The following MPHOSPH8 variants were observed in gnomAD, a reference collection of about 807,000 sequenced individuals.
The protein encoded by MPHOSPH8 is M-phase phosphoprotein, mpp.
A neutral mutation model predicts 87.3 loss-of-function variants in MPHOSPH8; 45 were observed. The ratio of observed to expected loss-of-function variants is 0.52; its 90% CI spans 0.41 to 0.66. The LOEUF (loss-of-function observed/expected upper bound fraction) is 0.66, where lower values mean the gene tolerates loss of function less well. Among genes scored for constraint, MPHOSPH8 ranks in the 30% least tolerant of loss-of-function variants. The probability of loss-of-function intolerance (pLI) is 0.00; values close to 1 mark genes in which losing one functional copy is unlikely to be tolerated. For missense variants in MPHOSPH8, 883 were observed against 1,020.2 expected (o/e 0.87, Z 1.83); for synonymous variants, 366 against 376.9 (o/e 0.97, Z 0.33).
At chr13:19,661,613 T>C (rs2137534683) in intron 7 of MPHOSPH8, 85 bp from the exon 8 acceptor site, 12 of 1,408,580 alleles carry the variant, frequency 8.5e-6, no homozygotes, top group South Asian at 1.5e-5. Flanking sequence ...TGATTTCACA[T>C]TGAAACATCT....
chr13:19,652,830 G>A (rs1031347744), intron 5 of MPHOSPH8, among the ~76,000 whole-genome samples: 2 of 152,160 alleles, frequency 1.3e-5, no homozygotes, highest in Non-Finnish European at 2.9e-5. Context: ...TTCGAACTGG[G>A]AGGAGCGCAC....
intron 5 of MPHOSPH8, among the ~76,000 whole-genome samples, chr13:19,656,498 A>T (rs1875183771): frequency 6.6e-6 from 1 of 151,846 alleles, no homozygotes; most frequent in Admixed American, 6.6e-5. Context: ...GGTGGCTCAC[A>T]CCTATAATCC....
In MPHOSPH8 at chr13:19,646,993, A is replaced by G; in HGVS notation, c.920A>G (p.Glu307Gly). 1 of 1,592,760 alleles carries G rather than the reference A, an allele frequency of 6.3e-7. No individual in the cohort carries two copies. The highest frequency in any genetic ancestry group is 8.5e-7 in the Non-Finnish European group (1 of 1,174,560). Reference protein sequence around the residue: ...RERAGQDMGLEHGFEKPLDSA... With the variant: ...RERAGQDMGLGHGFEKPLDSA... Reference sequence around the variant, plus strand: ...AGAGCAGGGCAGGACATGGGGCTGGAGCATGGCTTTGAGAAGCCCCTAGAC... The same window carrying G: ...AGAGCAGGGCAGGACATGGGGCTGGGGCATGGCTTTGAGAAGCCCCTAGAC... Residue 307 changes from glutamate (E) to glycine (G), a missense_variant, in exon 3 of 14, where the codon GAG becomes GGG. Physicochemically the swap from Glu to Gly is moderately conservative, Grantham distance 98. Transcript: ENST00000361479.
intron 1 of MPHOSPH8, among the ~76,000 whole-genome samples, chr13:19,638,732 GGTACAATT>G (rs1874129619): frequency 6.6e-6 from 1 of 152,050 alleles, no homozygotes; most frequent in South Asian, 2.1e-4. Context: ...GGGCAGTGTG[GGTACAATT>G]GAAGGGTAAA....
chr13:19,652,693 C>T (rs1043911843), intron 5 of MPHOSPH8, among the ~76,000 whole-genome samples: 3 of 152,176 alleles, frequency 2.0e-5, no homozygotes, highest in Non-Finnish European at 2.9e-5. Context: ...TTGAAATTCT[C>T]GCTGCCAGCA....
In MPHOSPH8 at chr13:19,659,078, G is replaced by A; in HGVS notation, c.1660G>A (p.Gly554Arg). The change falls in exon 6 of 14, where the codon GGG becomes AGG. Residue 554 changes from glycine to arginine, a missense_variant. Physicochemically the swap from Gly to Arg is moderately radical, Grantham distance 125. This residue lies in a region of MPHOSPH8 where 741 missense variants were observed against 841.5 expected (regional missense o/e 0.88). Transcript: ENST00000361479. ...KLEDFQKHLDGKDENFAATDA... is the reference protein window; with the variant it reads ...KLEDFQKHLDRKDENFAATDA... ...GGAAGATTTCCAAAAGCACCTTGATGGGAAAGATGAGAATTTTGCTGCAAC... is the reference window on the plus strand; with the variant it reads ...GGAAGATTTCCAAAAGCACCTTGATAGGAAAGATGAGAATTTTGCTGCAAC... The A allele has an allele frequency of 1.2e-6, 2 of 1,614,144 alleles. No homozygotes were observed. The highest frequency in any genetic ancestry group is 1.7e-6 in the Non-Finnish European group (2 of 1,180,024).
chr13:19,664,677 T>C (rs1360073811), intron 9 of MPHOSPH8, among the ~76,000 whole-genome samples: 1 of 151,996 alleles, frequency 6.6e-6, no homozygotes, highest in African/African-American at 2.4e-5. Context: ...GCCCACTTGG[T>C]AAGAGCTTGG....
At position 19,633,780 on chromosome 13, in the gene MPHOSPH8, C is replaced by T. The variant is rs1216156691; in HGVS notation, c.32C>T (p.Thr11Ile). The T allele has an allele frequency of 3.1e-6, 5 of 1,605,192 alleles. No homozygotes were observed. The highest frequency in any genetic ancestry group is 2.7e-5 in the African/African-American group (2 of 74,864). MEQVAEGARVTAVPVSAADST... is the reference protein window; with the variant it reads MEQVAEGARVIAVPVSAADST... ...CAGGTTGCGGAGGGAGCAAGGGTGA[C>T]CGCAGTCCCTGTGTCAGCTGCCGAC... The change falls in exon 1 of 14, where the codon ACC becomes ATC. Residue 11 changes from threonine to isoleucine, a missense_variant. Coordinates refer to ENST00000361479, the MANE Select transcript of MPHOSPH8 (RefSeq NM_017520.4).
Position 19,666,596 on chromosome 13 carries a change from T to C in MPHOSPH8, c.2174+17T>C. 6.4e-7 allele frequency: 1 copy of C among 1,570,158 alleles called. No homozygotes were observed. Among genetic ancestry groups the C allele is most frequent in the South Asian group, 1.1e-5 (1 of 87,686 alleles). On this transcript the variant is annotated intron_variant, in intron 10 of 13. Transcript: ENST00000361479. ...TTTAGAGACGTAAGTGAGAAGCGAC[T>C]GTGCCATAGTTAAGTCACATATCAT...
chr13:19,666,550 G>A lies in MPHOSPH8; in HGVS notation c.2145G>A (p.Val715=), dbSNP rs772053431. Reference sequence around the variant, plus strand: ...CGAAGCAGTCTAACAATGTGCTTGTGTACGACTTGCTGAAGAACCATTTAG... The same window carrying A: ...CGAAGCAGTCTAACAATGTGCTTGTATACGACTTGCTGAAGAACCATTTAG... ...HFAKQSNNVL[V]YDLLKNHLET... The change falls in exon 10 of 14, where the codon GTG becomes GTA. Residue 715 remains valine (V), a synonymous_variant. Transcript: ENST00000361479. 1 of 1,591,010 alleles carries A rather than the reference G, an allele frequency of 6.3e-7. No homozygotes were observed. The highest frequency in any genetic ancestry group is 1.3e-5 in the African/African-American group (1 of 74,624).
chr13:19,647,817 TAAA>T (rs1248735678), intron 3 of MPHOSPH8, among the ~76,000 whole-genome samples: 1 of 152,166 alleles, frequency 6.6e-6, no homozygotes, highest in Non-Finnish European at 1.5e-5. Context: ...TCAAGGGCTA[TAAA>T]AAACATCATT....
At position 19,640,542 on chromosome 13, in the gene MPHOSPH8, C is replaced by CT. The variant is rs879353279; in HGVS notation, c.214-1561dup. ...GTGTTTTAATCTTTAAATGGCTTGC[C>CT]TTTTTTTTTTTTGAGATGGGATTTC... On this transcript the variant is annotated intron_variant, in intron 1 of 13. Transcript: ENST00000361479. Among the ~76,000 whole-genome samples, 591 of 142,198 alleles carry CT rather than the reference C, an allele frequency of 4.2e-3. 3 individuals carry two copies. The highest frequency in any genetic ancestry group is 0.01 in the South Asian group (46 of 4,438). The allele number at this position is 142,198 out of a possible 152,430, so 93.3% of individuals were successfully genotyped here.
intron 5 of MPHOSPH8, among the ~76,000 whole-genome samples, chr13:19,657,120 T>TAAAAA (rs1875230934): frequency 1.6e-4 from 1 of 6,418 alleles, no homozygotes; most frequent in African/African-American, 5.2e-4. Context: ...AAACTCTGTC[T>TAAAAA]CAAAAAAAAA....
chr13:19,650,146 C>T lies in MPHOSPH8; in HGVS notation c.1462C>T (p.Gln488Ter). The T allele has an allele frequency of 6.2e-7, 1 of 1,614,060 alleles. No homozygotes were observed. Among genetic ancestry groups the T allele is most frequent in the Non-Finnish European group, 8.5e-7 (1 of 1,180,002 alleles). ...CGATCACAAAACCAAGGAAAACAAACAGTCACTTAAAGAAAGGAGAAACAC... is the reference window on the plus strand; with the variant it reads ...CGATCACAAAACCAAGGAAAACAAATAGTCACTTAAAGAAAGGAGAAACAC... ...IDDHKTKENKQSLKERRNTRD... is the reference protein window; with the variant it reads ...IDDHKTKENK The change falls in exon 5 of 14, where the codon CAG (glutamine) becomes TAG (stop). Residue 488 changes from glutamine to a stop codon, truncating the protein, a stop_gained. Transcript: ENST00000361479. LOFTEE classifies it high-confidence loss of function.
At chr13:19,666,331 CTTCACAGAACCGCTAAG>C in intron 9 of MPHOSPH8, 77 bp from the exon 10 acceptor site, 1 of 1,325,856 alleles carries the variant, frequency 7.5e-7, no homozygotes, top group Non-Finnish European at 1.0e-6. Context: ...TGTGCCCTCT[CTTCACAGAACCGCTAAG>C]CATGTATGGA....
rs867502499 is a variant in MPHOSPH8, at chr13:19,659,216, C to G, written c.1718C>G (p.Ala573Gly). ...DAIPSNVLRD[A>G]VKNGDYITVK... is the part of the protein sequence containing the mutation. ...TTCATTTTAGATGTGTTAAGGGATGCTGTGAAAAATGGGGATTATATTACT... is the reference window on the plus strand; with the variant it reads ...TTCATTTTAGATGTGTTAAGGGATGGTGTGAAAAATGGGGATTATATTACT... The change falls in exon 7 of 14, where the codon GCT (alanine) becomes GGT (glycine). Residue 573 changes from alanine to glycine, a missense_variant. Physicochemically the swap from Ala to Gly is moderately conservative, Grantham distance 60. Around this residue, in one of 3 missense-constraint regions of MPHOSPH8, gnomAD observed 741 missense variants for 841.5 expected, o/e 0.88. Transcript: ENST00000361479. 16 of 1,612,204 alleles carry G rather than the reference C, an allele frequency of 9.9e-6. No homozygotes were observed. The South Asian group carries it at 1.8e-4, about 18-fold the overall frequency.
chr13:19,671,119 T>C lies in MPHOSPH8; in HGVS notation c.2458-87T>C, dbSNP rs961139603. ...CTTATGAAATAAAAAATAAAACTTATTTATGATTCTTTTACATCATTGGTG... is the reference window on the plus strand; with the variant it reads ...CTTATGAAATAAAAAATAAAACTTACTTATGATTCTTTTACATCATTGGTG... On this transcript the variant is annotated intron_variant, in intron 12 of 13. Transcript: ENST00000361479. 5.3e-6 allele frequency: 8 copies of C among 1,520,120 alleles called. No individual in the cohort carries two copies. In the East Asian group the frequency reaches 7.3e-5, roughly 14 times the overall value. The allele number at this position is 1,520,120 out of a possible 1,614,324, so 94.2% of individuals were successfully genotyped here.
At chr13:19,659,164 ATT>A (rs764569229) in intron 6 of MPHOSPH8, 35 bp from the exon 7 acceptor site, 1 of 1,609,880 alleles carries the variant, frequency 6.2e-7, no homozygotes, top group Non-Finnish European at 8.5e-7. Flanking sequence ...ACAAATCTAG[ATT>A]TATAAAATCT....
intron 8 of MPHOSPH8, among the ~76,000 whole-genome samples, chr13:19,662,800 A>G (rs1875614765): frequency 6.6e-6 from 1 of 152,176 alleles, no homozygotes; most frequent in Non-Finnish European, 1.5e-5. Context: ...TTATATGCAG[A>G]GGTTCTTAGG....
Sources: gnomAD v4.1 joint callset for allele counts (sites outside exome capture counted in the v4.1 genomes callset) on GRCh38, gnomAD v4.1.1 for gene constraint, gnomAD v4.1.1 regional missense constraint, MANE v1.5 for transcripts, NCBI Gene and HGNC (gene_info 2026-07-23, HGNC 2026-07-21) for gene names.